The following HDLBP variants were observed in gnomAD, a reference collection of about 807,000 sequenced individuals.
HDLBP encodes high density lipoprotein binding protein, also known as vigilin.
In HDLBP, 30 loss-of-function variants were observed where a neutral mutation model predicts 137.3. The ratio of observed to expected loss-of-function variants is 0.22; its 90% CI spans 0.16 to 0.30. The LOEUF is 0.30. Ranked by LOEUF, HDLBP falls within the 10% of genes least tolerant of loss-of-function variation. The pLI, the probability that HDLBP is intolerant of heterozygous loss-of-function variation, is 1.00. For synonymous variants in HDLBP, 606 were observed against 596.0 expected (o/e 1.02, Z -0.24); for missense variants, 1,119 against 1,667.3 (o/e 0.67, Z 5.73).
chr2:241,239,923 A>C lies in HDLBP; in HGVS notation c.2369T>G (p.Leu790Arg). 1 of 1,614,176 alleles carries C rather than the reference A, an allele frequency of 6.2e-7. No homozygotes were observed. Among genetic ancestry groups the C allele is most frequent in the Non-Finnish European group, 8.5e-7 (1 of 1,180,028 alleles). The change falls in exon 18 of 28, where the codon CTG (leucine) becomes CGG (arginine). Residue 790 changes from leucine (L) to arginine (R), a missense_variant. Transcript: ENST00000310931. This position sits in a 1 kb window ranked among gnomAD's most constrained non-coding sequence, Gnocchi z 4.6. The stretch of plus-strand genomic sequence containing the variant: ...TACCAGGTTTTGGATCAAGGCCTCC[A>C]GCTCCTTCTGTGCCTCTCGGACGGC... Reference protein sequence around the residue: ...EDAVREAQKELEALIQNLDNV... With the variant: ...EDAVREAQKEREALIQNLDNV...
At chr2:241,236,364 G>A (rs558456837) in intron 21 of HDLBP, 1 of 531,168 alleles carries the variant, frequency 1.9e-6, no homozygotes, top group Non-Finnish European at 3.4e-6. Flanking sequence ...GTGGGCCTGA[G>A]AGGCCGGATC....
chr2:241,234,426 A>C (rs1354480017), intron 23 of HDLBP, among the ~76,000 whole-genome samples: 1 of 152,208 alleles, frequency 6.6e-6, no homozygotes, highest in African/African-American at 2.4e-5. Context: ...TGGCTGCAGG[A>C]GACAACCCAG....
At chr2:241,259,344 T>G (rs2072973769) in intron 5 of HDLBP, among the ~76,000 whole-genome samples, 1 of 152,202 alleles carries the variant, frequency 6.6e-6, no homozygotes, top group South Asian at 2.1e-4. Context: ...AGGGGAGATT[T>G]CTCTGAAAGT....
chr2:241,311,397 G>A (rs898869762), intron 1 of HDLBP, among the ~76,000 whole-genome samples: 3 of 152,174 alleles, frequency 2.0e-5, no homozygotes, highest in Admixed American at 6.5e-5. Flanking sequence ...TGAAGGATGT[G>A]CTCCATCGAA....
intron 22 of HDLBP, 36 bp from the exon 23 acceptor site, chr2:241,235,291 C>G (rs1477352087): frequency 6.2e-7 from 1 of 1,613,864 alleles, no homozygotes; most frequent in Admixed American, 1.7e-5. Context: ...CGTTCAGGAC[C>G]CCAGAGAACA....
At chr2:241,236,277 G>C (rs2070420259) in intron 21 of HDLBP, 2 of 327,080 alleles carry the variant, frequency 6.1e-6, no homozygotes, top group South Asian at 8.4e-5. Context: ...CCCCACTCAC[G>C]CGGGGGGAGA....
rs555045976 is a variant in HDLBP at position 241,283,969 on chromosome 2, C to T, written c.-102-15428G>A. On this transcript the variant is annotated intron_variant, in intron 1 of 27. Coordinates refer to ENST00000310931, the MANE Select transcript of HDLBP (RefSeq NM_005336.6). ...ATGAAACAAAGCCTGGATGACAGCA[C>T]ATCTGTTTAAAACGATTTACTGAGT... Among the ~76,000 whole-genome samples the T allele has an allele frequency of 9.9e-5, 15 of 151,758 alleles. 1 individual carries two copies. Among genetic ancestry groups the T allele is most frequent in the Middle Eastern group, 3.4e-3 (1 of 294 alleles).
At chr2:241,296,307 CAT>C (rs965313428) in intron 1 of HDLBP, among the ~76,000 whole-genome samples, 1 of 152,084 alleles carries the variant, frequency 6.6e-6, no homozygotes, top group Non-Finnish European at 1.5e-5. Flanking sequence ...ATTTTGAAAA[CAT>C]ATAAAGTTTG....
chr2:241,230,244 C>T lies in HDLBP; in HGVS notation c.3500G>A (p.Gly1167Glu), dbSNP rs776876774. Reference sequence around the variant, plus strand: ...AGTGACGCAGTTGGGGTCTGGGGCTCCGCTCTGTGGGAAGCGAATGTCCAC... The same window carrying T: ...AGTGACGCAGTTGGGGTCTGGGGCTTCGCTCTGTGGGAAGCGAATGTCCAC... ...FKVDIRFPQSGAPDPNCVTVT... is the reference protein window; with the variant it reads ...FKVDIRFPQSEAPDPNCVTVT... Residue 1167 changes from glycine (G) to glutamate (E), a missense_variant, in exon 26 of 28, where the codon GGA (glycine) becomes GAA (glutamate). Physicochemically the swap from Gly to Glu is moderately conservative, Grantham distance 98. Around this residue, in one of 4 missense-constraint regions of HDLBP, gnomAD observed 618 missense variants for 816.7 expected, o/e 0.76. Coordinates refer to ENST00000310931, the MANE Select transcript of HDLBP (RefSeq NM_005336.6). The surrounding 1 kb of genome is among the most constrained non-coding windows in gnomAD (Gnocchi z 5.0). 6.2e-7 allele frequency: 1 copy of T among 1,605,168 alleles called. No individual in the cohort carries two copies. The highest frequency in any genetic ancestry group is 1.1e-5 in the South Asian group (1 of 90,776).
rs77756952 is a variant in HDLBP, at chr2:241,301,143, A to AT, written c.-103+14426dup. Among the ~76,000 whole-genome samples, 436 of 138,258 alleles carry AT rather than the reference A, an allele frequency of 3.2e-3. 3 individuals carry two copies. Among genetic ancestry groups the AT allele is most frequent in the East Asian group, 0.011 (55 of 4,832 alleles). The allele number at this position is 138,258 out of a possible 152,430, so 90.7% of individuals were successfully genotyped here. ...AGGCGCCCGCCACCAGGCCCGGCTAATTTTTTTTTTTTTTTTGGTATTTTT... is the reference window on the plus strand; with the variant it reads ...AGGCGCCCGCCACCAGGCCCGGCTAATTTTTTTTTTTTTTTTTGGTATTTTT... On this transcript the variant is annotated intron_variant, in intron 1 of 27. Coordinates refer to ENST00000310931, the MANE Select transcript of HDLBP (RefSeq NM_005336.6).
At chr2:241,247,864 C>A in intron 14 of HDLBP, 139 bp downstream of exon 14, 2 of 628,228 alleles carry the variant, frequency 3.2e-6, no homozygotes, top group Middle Eastern at 2.8e-4. Flanking sequence ...TGTCCCAAGT[C>A]CCTGAGATGG....
chr2:241,291,490 C>T (rs1325833845), intron 1 of HDLBP, among the ~76,000 whole-genome samples: 1 of 152,084 alleles, frequency 6.6e-6, no homozygotes, highest in Non-Finnish European at 1.5e-5. Context: ...GGGGGAAATG[C>T]TACAGAAATG....
intron 16 of HDLBP, among the ~76,000 whole-genome samples, chr2:241,243,179 G>A (rs1194775291): frequency 6.6e-6 from 1 of 152,194 alleles, no homozygotes; most frequent in Non-Finnish European, 1.5e-5. Flanking sequence ...AACAAGGTGA[G>A]CCCTACAGCT....
chr2:241,310,643 G>A (rs1320773554), intron 1 of HDLBP, among the ~76,000 whole-genome samples: 1 of 148,098 alleles, frequency 6.8e-6, no homozygotes, highest in African/African-American at 2.5e-5. Flanking sequence ...GAAAGTCCAA[G>A]AGTAGAATTC....
chr2:241,229,516 CCAGCCGCTGGGT>C lies in HDLBP; in HGVS notation c.*73_*84del. ...AGAGCGTCAACAATTTACGGAGGGT[CCAGCCGCTGGGT>C]CAGATTGAGACAAACCATTGTGTGG... On this transcript the variant is annotated 3_prime_UTR_variant, in exon 28 of 28. Coordinates refer to ENST00000310931, the MANE Select transcript of HDLBP (RefSeq NM_005336.6). 1.0e-6 allele frequency: 1 copy of C among 987,088 alleles called. No homozygotes were observed. The highest frequency in any genetic ancestry group is 1.5e-5 in the South Asian group (1 of 68,006). The allele number at this position is 987,088 out of a possible 1,614,324, so 61.1% of individuals were successfully genotyped here. A position where few individuals can be genotyped will look rare whatever the true frequency, so the allele number is the denominator to read the frequency against.
chr2:241,234,273 G>A (rs1489786778), intron 23 of HDLBP, among the ~76,000 whole-genome samples: 5 of 152,110 alleles, frequency 3.3e-5, no homozygotes, highest in Admixed American at 6.5e-5. Flanking sequence ...TTGGGGCCCC[G>A]CTCTCCTCAT....
intron 2 of HDLBP, chr2:241,267,847 G>T: frequency 2.1e-6 from 3 of 1,435,008 alleles, no homozygotes; most frequent in South Asian, 1.4e-5. Context: ...CACAGCAGGG[G>T]AAACCTGGCC....
At chr2:241,243,327 C>G (rs528651821) in intron 16 of HDLBP, among the ~76,000 whole-genome samples, 22 of 152,314 alleles carry the variant, frequency 1.4e-4, no homozygotes, top group Non-Finnish European at 2.8e-4. Flanking sequence ...AAGAAATCAC[C>G]CTGGGCCTGG....
At chr2:241,246,682 C>A in intron 16 of HDLBP, 70 bp downstream of exon 16, 1 of 1,509,300 alleles carries the variant, frequency 6.6e-7, no homozygotes, top group South Asian at 1.2e-5. Flanking sequence ...GTGACTCAAC[C>A]CCAGGCTCAA....
Sources: gnomAD v4.1 joint callset for allele counts (sites outside exome capture counted in the v4.1 genomes callset) on GRCh38, gnomAD v4.1.1 for gene constraint, gnomAD v4.1.1 regional missense constraint, Gnocchi (gnomAD v3.1) non-coding constraint, MANE v1.5 for transcripts, NCBI Gene and HGNC (gene_info 2026-07-23, HGNC 2026-07-21) for gene names.